The following TPO variants were observed in gnomAD, a reference collection of about 807,000 sequenced individuals.
The protein encoded by TPO is thyroid microsomal antigen.
Under a neutral mutation model 96.9 loss-of-function variants are expected in TPO, and 78 were observed. The observed-to-expected ratio is 0.81, with a 90% CI of 0.67 to 0.97. The LOEUF (loss-of-function observed/expected upper bound fraction) is 0.97, where lower values mean the gene tolerates loss of function less well. Ranked by LOEUF, TPO falls within the 50% of genes least tolerant of loss-of-function variation. The pLI is 0.00. For synonymous variants in TPO, 547 were observed against 538.0 expected, an observed-to-expected ratio of 1.02 and a Z score of -0.23; for missense variants, 1,252 against 1,274.8, an observed-to-expected ratio of 0.98 and a Z score of 0.27.
At chr2:1,427,025 T>G (rs1212589108) in intron 3 of TPO, among the ~76,000 whole-genome samples, 2 of 152,150 alleles carry the variant, frequency 1.3e-5, no homozygotes, top group Non-Finnish European at 2.9e-5. Context: ...CCCTACCCCC[T>G]CATTCATCAC....
At chr2:1,488,231 C>T (rs1243569548) in intron 10 of TPO, among the ~76,000 whole-genome samples, 1 of 152,086 alleles carries the variant, frequency 6.6e-6, no homozygotes, top group Non-Finnish European at 1.5e-5. Context: ...TGAGCTGGGA[C>T]CTTGAGAAAC....
chr2:1,431,097 C>A (rs1007045684), intron 3 of TPO, among the ~76,000 whole-genome samples: 15 of 150,896 alleles, frequency 9.9e-5, no homozygotes, highest in Non-Finnish European at 1.8e-4. Context: ...CCTTAAATCT[C>A]ATGTTAAAAT....
intron 3 of TPO, among the ~76,000 whole-genome samples, chr2:1,423,497 A>G (rs1473151071): frequency 6.6e-6 from 1 of 152,228 alleles, no homozygotes; most frequent in African/African-American, 2.4e-5. Context: ...ATATAACTGT[A>G]ACATTACCTG....
chr2:1,405,442 T>C (rs947886639), intron 1 of TPO, among the ~76,000 whole-genome samples: 2 of 151,226 alleles, frequency 1.3e-5, no homozygotes, highest in Non-Finnish European at 2.9e-5. Flanking sequence ...CATCCACCCA[T>C]CTACTCATCT....
intron 5 of TPO, among the ~76,000 whole-genome samples, chr2:1,438,574 C>A (rs1043095520): frequency 6.7e-5 from 10 of 148,408 alleles, no homozygotes; most frequent in Non-Finnish European, 1.5e-4. Flanking sequence ...GGCCACCCCC[C>A]ACCCACCCCC....
At chr2:1,413,740 C>T (rs780013184) in intron 1 of TPO, 195 bp downstream of exon 1, 125 of 985,156 alleles carry the variant, frequency 1.3e-4, no homozygotes, top group East Asian at 3.4e-4. Flanking sequence ...CCTGTAGGGT[C>T]GATTCCTAGA....
At chr2:1,388,447 T>C (rs1661943166) in intron 1 of TPO, among the ~76,000 whole-genome samples, 1 of 152,160 alleles carries the variant, frequency 6.6e-6, no homozygotes, top group Admixed American at 6.5e-5. Flanking sequence ...CGCCTTGCAG[T>C]TGGATCTCAG....
intron 2 of TPO, among the ~76,000 whole-genome samples, chr2:1,420,658 G>A (rs1321713157): frequency 6.6e-6 from 1 of 152,158 alleles, no homozygotes; most frequent in Non-Finnish European, 1.5e-5. Flanking sequence ...GGCATCAGGA[G>A]CCTTCAGATG....
chr2:1,517,353 T>A (rs1229903905), intron 15 of TPO, among the ~76,000 whole-genome samples: 1 of 152,208 alleles, frequency 6.6e-6, no homozygotes, highest in Non-Finnish European at 1.5e-5. Flanking sequence ...AAAGTTTTAT[T>A]CTTCAGTTTT....
chr2:1,434,459 A>C (rs1001447388), intron 4 of TPO, among the ~76,000 whole-genome samples: 1 of 152,196 alleles, frequency 6.6e-6, no homozygotes, highest in Non-Finnish European at 1.5e-5. Flanking sequence ...ATTTCATAGC[A>C]AGCTAAGATT....
intron 2 of TPO, among the ~76,000 whole-genome samples, chr2:1,422,516 G>T (rs1296340733): frequency 2.0e-5 from 3 of 152,216 alleles, no homozygotes; most frequent in Non-Finnish European, 2.9e-5. Flanking sequence ...CAGGACTGAC[G>T]TGTGAACATG....
rs545962160 is a variant in TPO, at chr2:1,386,617, G to T, written n.180+12215G>T. Reference sequence around the variant, plus strand: ...AGCCTATGTGTGTCTCTGCATGTGAGATGGGTTTCCTGAATACAGCACACT... The same window carrying T: ...AGCCTATGTGTGTCTCTGCATGTGATATGGGTTTCCTGAATACAGCACACT... On this transcript the variant is annotated intron_variant and non_coding_transcript_variant, in intron 1 of 5. Transcript: ENST00000497517. 3.1e-3 allele frequency among the ~76,000 whole-genome samples: 469 copies of T among 152,240 alleles called. 2 individuals carry two copies. The highest frequency in any genetic ancestry group is 5.4e-3 in the Non-Finnish European group (365 of 68,032).
chr2:1,485,443 A>T (rs916785634), intron 9 of TPO, among the ~76,000 whole-genome samples: 1 of 152,130 alleles, frequency 6.6e-6, no homozygotes, highest in Non-Finnish European at 1.5e-5. Flanking sequence ...GCTGGGTCAA[A>T]TGGTATTTCT....
At chr2:1,397,121 A>G (rs1283246029) in intron 1 of TPO, among the ~76,000 whole-genome samples, 1 of 152,154 alleles carries the variant, frequency 6.6e-6, no homozygotes, top group Non-Finnish European at 1.5e-5. Flanking sequence ...TGCCGTAAGG[A>G]CTCAACACCT....
In TPO at chr2:1,516,880, C is replaced by G. The variant is rs373775697; in HGVS notation, c.2519-3C>G. On this transcript the variant is annotated splice_polypyrimidine_tract_variant and splice_region_variant and intron_variant, in intron 14 of 16. Transcript: ENST00000329066. ...TCTAACCAGGCCTCTTTCTGTGCCC[C>G]AGACTCCGGGAGGCTCCCTCGGGTG... 11 of 1,613,760 alleles carry G rather than the reference C, an allele frequency of 6.8e-6. No homozygotes were observed. The African/African-American group carries it at 1.5e-4, about 22-fold the overall frequency.
intron 7 of TPO, among the ~76,000 whole-genome samples, chr2:1,466,139 T>A (rs1459005952): frequency 6.6e-6 from 1 of 152,238 alleles, no homozygotes; most frequent in Non-Finnish European, 1.5e-5. Context: ...TATGCATCTA[T>A]CGAGACGATC....
At chr2:1,470,015 C>T (rs147346340) in intron 7 of TPO, among the ~76,000 whole-genome samples, 1 of 152,306 alleles carries the variant, frequency 6.6e-6, no homozygotes, top group Non-Finnish European at 1.5e-5. Flanking sequence ...AAATCCTCCT[C>T]ATGTTGGAAT....
chr2:1,524,357 T>C (rs1482097440), intron 15 of TPO, among the ~76,000 whole-genome samples: 507 of 29,664 alleles, frequency 0.017, no homozygotes, highest in East Asian at 0.024. Flanking sequence ...CCCAAATCCC[T>C]CCACTCTGTT....
intron 5 of TPO, among the ~76,000 whole-genome samples, chr2:1,451,669 A>T (rs1464084): frequency 6.6e-6 from 1 of 152,104 alleles, no homozygotes; most frequent in Non-Finnish European, 1.5e-5. Flanking sequence ...ACAGAACCTC[A>T]GTGCTGGTTG....
Sources: gnomAD v4.1 joint callset for allele counts (sites outside exome capture counted in the v4.1 genomes callset) on GRCh38, gnomAD v4.1.1 for gene constraint, MANE v1.5 for transcripts, NCBI Gene and HGNC (gene_info 2026-07-23, HGNC 2026-07-21) for gene names.